Variants in FOXP1 observed in about 807,000 individuals in gnomAD.
The protein encoded by FOXP1 is forkhead box protein P1.
Under a neutral mutation model 98.2 loss-of-function variants are expected in FOXP1, and 15 were observed. The observed-to-expected ratio is 0.15, with a 90% CI of 0.10 to 0.24. FOXP1 has a LOEUF of 0.24. Among genes scored for constraint, FOXP1 ranks in the 10% least tolerant of loss-of-function variants. The pLI is 1.00. For synonymous variants in FOXP1, 371 were observed against 314.5 expected (o/e 1.18, Z -1.90); for missense variants, 633 against 848.5 (o/e 0.75, Z 3.15).
chr3:71,185,668 A>G (rs1181534651), intron 6 of FOXP1, among the ~76,000 whole-genome samples: 1 of 152,182 alleles, frequency 6.6e-6, no homozygotes, highest in Non-Finnish European at 1.5e-5. Context: ...TCTCCTCACC[A>G]TGTGCCTCTA....
chr3:71,441,569 G>A (rs1436874890), intron 3 of FOXP1, among the ~76,000 whole-genome samples: 1 of 152,188 alleles, frequency 6.6e-6, no homozygotes, highest in Non-Finnish European at 1.5e-5. Flanking sequence ...ATCCTACGAT[G>A]CCCCCGGCGT....
At chr3:71,236,850 G>GT (rs1172351024) in intron 5 of FOXP1, among the ~76,000 whole-genome samples, 1 of 151,242 alleles carries the variant, frequency 6.6e-6, no homozygotes, top group African/African-American at 2.4e-5. Flanking sequence ...TCCAGCCTGA[G>GT]TGACACAGCG....
At chr3:71,491,038 C>T (rs1008838590) in intron 3 of FOXP1, among the ~76,000 whole-genome samples, 9 of 152,178 alleles carry the variant, frequency 5.9e-5, no homozygotes, top group East Asian at 1.9e-4. Context: ...TATTTTGAGA[C>T]GGAGTCTCAC....
chr3:71,407,158 C>A (rs2082407533), intron 3 of FOXP1, among the ~76,000 whole-genome samples: 1 of 152,164 alleles, frequency 6.6e-6, no homozygotes, highest in Non-Finnish European at 1.5e-5. Context: ...CCCCAGCACA[C>A]AGAAGCCTGC....
chr3:71,092,490 C>T (rs2055984487), intron 7 of FOXP1, among the ~76,000 whole-genome samples: 2 of 152,122 alleles, frequency 1.3e-5, no homozygotes, highest in Non-Finnish European at 1.5e-5. Flanking sequence ...CTGAAGGTCA[C>T]GTTCCTCCCC....
intron 4 of FOXP1, among the ~76,000 whole-genome samples, chr3:71,311,907 C>A (rs1156499194): frequency 1.3e-5 from 2 of 152,144 alleles, no homozygotes; most frequent in Non-Finnish European, 2.9e-5. Flanking sequence ...TCTGCAGATC[C>A]CAGCTCCCTT....
At chr3:71,121,678 G>A (rs1168129361) in intron 6 of FOXP1, among the ~76,000 whole-genome samples, 2 of 152,146 alleles carry the variant, frequency 1.3e-5, no homozygotes, top group Non-Finnish European at 2.9e-5. Flanking sequence ...GCTCACGAGA[G>A]CTGACAAGAT....
At chr3:71,349,200 A>G (rs896256547) in intron 4 of FOXP1, among the ~76,000 whole-genome samples, 7 of 152,256 alleles carry the variant, frequency 4.6e-5, no homozygotes, top group Non-Finnish European at 1.0e-4. Context: ...AGAAAATTCC[A>G]AGATTTTATG....
intron 5 of FOXP1, among the ~76,000 whole-genome samples, chr3:71,241,877 C>T (rs2067311928): frequency 1.3e-5 from 2 of 152,136 alleles, no homozygotes; most frequent in South Asian, 4.1e-4. Flanking sequence ...GTCATGTACA[C>T]TTCAGTGAAA....
intron 13 of FOXP1, among the ~76,000 whole-genome samples, chr3:70,991,314 C>T (rs910977644): frequency 2.6e-5 from 4 of 151,916 alleles, no homozygotes; most frequent in Non-Finnish European, 5.9e-5. Context: ...ACCCTTTGGC[C>T]GAAATAGGTC....
chr3:71,126,024 A>G (rs902726536), intron 6 of FOXP1, among the ~76,000 whole-genome samples: 2 of 152,242 alleles, frequency 1.3e-5, no homozygotes, highest in African/African-American at 4.8e-5. Context: ...CTCACACTCA[A>G]TAAGTAACAA....
chr3:71,367,393 G>C (rs2078997021), intron 3 of FOXP1, among the ~76,000 whole-genome samples: 1 of 152,160 alleles, frequency 6.6e-6, no homozygotes, highest in Non-Finnish European at 1.5e-5. Flanking sequence ...AGTAGTGTCA[G>C]AACAGGGGCC....
At chr3:71,064,376 C>A (rs1241881467) in intron 7 of FOXP1, among the ~76,000 whole-genome samples, 1 of 152,150 alleles carries the variant, frequency 6.6e-6, no homozygotes, top group East Asian at 1.9e-4. Context: ...CAGATACGTC[C>A]CCCGAACGGA....
chr3:70,985,243 A>C (rs1391143908), intron 14 of FOXP1, among the ~76,000 whole-genome samples: 1 of 152,224 alleles, frequency 6.6e-6, no homozygotes, highest in African/African-American at 2.4e-5. Context: ...CATTCAAACA[A>C]ACGCCATGCA....
chr3:70,990,775 C>A (rs2040482274), intron 13 of FOXP1, among the ~76,000 whole-genome samples: 1 of 152,168 alleles, frequency 6.6e-6, no homozygotes, highest in Admixed American at 6.5e-5. Flanking sequence ...GTGCAGGGGT[C>A]ATTTTAATCT....
At chr3:70,973,086 C>G (rs190956905) in intron 17 of FOXP1, among the ~76,000 whole-genome samples, 30 of 152,268 alleles carry the variant, frequency 2.0e-4, no homozygotes, top group Admixed American at 1.4e-3. Flanking sequence ...AAGAGGAACA[C>G]TTGGTTAATA....
chr3:71,122,503 T>C (rs2058849895), intron 6 of FOXP1, among the ~76,000 whole-genome samples: 1 of 152,194 alleles, frequency 6.6e-6, no homozygotes, highest in South Asian at 2.1e-4. Flanking sequence ...ATTGTATCTG[T>C]ATAACAATTT....
chr3:71,512,469 G>C (rs1251533412), intron 2 of FOXP1, among the ~76,000 whole-genome samples: 1 of 152,220 alleles, frequency 6.6e-6, no homozygotes, highest in East Asian at 1.9e-4. Flanking sequence ...TTATTGCCTT[G>C]TTACCAAAAG....
At chr3:71,120,323 C>T (rs754316159) in intron 6 of FOXP1, among the ~76,000 whole-genome samples, 2 of 152,180 alleles carry the variant, frequency 1.3e-5, no homozygotes, top group Non-Finnish European at 2.9e-5. Context: ...CTGGGATATA[C>T]TGAATTTGAA....
Sources: gnomAD v4.1 joint callset for allele counts (sites outside exome capture counted in the v4.1 genomes callset) on GRCh38, gnomAD v4.1.1 for gene constraint, MANE v1.5 for transcripts, NCBI Gene and HGNC (gene_info 2026-07-23, HGNC 2026-07-21) for gene names.